PTPN4: variants seen among roughly 807,000 people sequenced by gnomAD.
PTPN4 encodes tyrosine-protein phosphatase non-receptor type 4.
In PTPN4, 49 loss-of-function variants were observed where a neutral mutation model predicts 135.5. The observed-to-expected ratio is 0.36, with a 90% CI of 0.29 to 0.46. PTPN4 has a LOEUF of 0.46. Among genes scored for constraint, PTPN4 ranks in the 20% least tolerant of loss-of-function variants. PTPN4 has a pLI of 1.00. For missense variants in PTPN4, 860 were observed against 1,101.0 expected (o/e 0.78, Z 3.10); for synonymous variants, 333 against 369.9 (o/e 0.90, Z 1.14).
At chr2:119,920,264 G>T in intron 12 of PTPN4, 23 bp downstream of exon 12, 1 of 1,560,662 alleles carries the variant, frequency 6.4e-7, no homozygotes, top group Non-Finnish European at 8.7e-7. Context: ...TCTGTGTTAA[G>T]GCTTTATTGT....
At chr2:119,793,966 C>T (rs1691204233) in intron 1 of PTPN4, among the ~76,000 whole-genome samples, 1 of 136,962 alleles carries the variant, frequency 7.3e-6, no homozygotes, top group Admixed American at 8.1e-5. Context: ...AGTGATCCTC[C>T]TATCTCAACT....
At chr2:119,821,015 A>G (rs1677058512) in intron 2 of PTPN4, among the ~76,000 whole-genome samples, 1 of 151,288 alleles carries the variant, frequency 6.6e-6, no homozygotes, top group Non-Finnish European at 1.5e-5. Flanking sequence ...TCAGTATAGT[A>G]GCTCTTCCTC....
Position 119,877,332 on chromosome 2 carries a change from G to A in PTPN4, c.256G>A (p.Asp86Asn). 1 of 1,611,412 alleles carries A rather than the reference G, an allele frequency of 6.2e-7. No individual in the cohort carries two copies. Among genetic ancestry groups the A allele is most frequent in the Non-Finnish European group, 8.5e-7 (1 of 1,179,270 alleles). ...TTTATTTATTTTTCAGAGGTGGCTG[G>A]ATCCAAACAAACCAATAAGGAAGCA... is the stretch of plus-strand genomic sequence containing the variant. ...DDSTDNPRWL[D>N]PNKPIRKQLK... Residue 86 changes from aspartate (D) to asparagine (N), a missense_variant, in exon 4 of 27, where the codon GAT (aspartate) becomes AAT (asparagine). This residue lies in a region of PTPN4 where 684 missense variants were observed against 807.0 expected (regional missense o/e 0.85). Transcript: ENST00000263708.
intron 26 of PTPN4, among the ~76,000 whole-genome samples, chr2:119,969,987 G>T (rs1465908490): frequency 6.6e-6 from 1 of 152,162 alleles, no homozygotes; most frequent in Non-Finnish European, 1.5e-5. Context: ...GCCGCTTAAA[G>T]TATACAATTC....
intron 9 of PTPN4, among the ~76,000 whole-genome samples, chr2:119,896,160 C>T (rs1367777053): frequency 6.6e-6 from 1 of 152,094 alleles, no homozygotes; most frequent in African/African-American, 2.4e-5. Context: ...AGAATGTTGC[C>T]AGTTACTCCA....
intron 13 of PTPN4, among the ~76,000 whole-genome samples, chr2:119,927,113 C>CTTTTT (rs35553909): frequency 2.4e-5 from 3 of 122,860 alleles, no homozygotes; most frequent in Non-Finnish European, 3.4e-5. Context: ...AGCCAATTTG[C>CTTTTT]TTTTTTTTTT....
intron 1 of PTPN4, among the ~76,000 whole-genome samples, chr2:119,774,381 G>T (rs1159318324): frequency 6.6e-6 from 1 of 152,116 alleles, no homozygotes; most frequent in Non-Finnish European, 1.5e-5. Flanking sequence ...TTTTGTTTTT[G>T]TTTTGTTTTT....
chr2:119,968,177 G>T (rs1206177014), intron 26 of PTPN4, among the ~76,000 whole-genome samples: 1 of 152,092 alleles, frequency 6.6e-6, no homozygotes, highest in African/African-American at 2.4e-5. Context: ...AATTTTAGTG[G>T]AACACAGCCA....
chr2:119,878,439 G>A (rs1347263437), intron 5 of PTPN4, among the ~76,000 whole-genome samples: 1 of 152,054 alleles, frequency 6.6e-6, no homozygotes, highest in African/African-American at 2.4e-5. Context: ...CTAAAAGATA[G>A]GTGTCAAAAT....
intron 10 of PTPN4, among the ~76,000 whole-genome samples, chr2:119,912,661 CTG>C (rs1413149367): frequency 2.0e-5 from 3 of 152,064 alleles, no homozygotes; most frequent in South Asian, 2.1e-4. Flanking sequence ...ATTATCGAAA[CTG>C]TAAATATGTT....
Position 119,946,371 on chromosome 2 carries a change from G to A in PTPN4, c.1546G>A (p.Val516Ile), listed in dbSNP as rs758076387. 6.2e-7 allele frequency: 1 copy of A among 1,610,492 alleles called. No individual in the cohort carries two copies. Among genetic ancestry groups the A allele is most frequent in the Admixed American group, 1.7e-5 (1 of 59,744 alleles). The change falls in exon 17 of 27, where the codon GTC becomes ATC. Residue 516 changes from valine (V) to isoleucine (I), a missense_variant. Val to Ile is a conservative substitution (Grantham distance 29). This residue lies in a region of PTPN4 where 684 missense variants were observed against 807.0 expected (regional missense o/e 0.85). Transcript: ENST00000263708. ...PNGGIPHDNL[V>I]LIRMKPDENG... is the part of the protein sequence containing the mutation. ...TGGTGGTATTCCACATGATAATCTT[G>A]TCCTAATCAGAATGAAACCTGATGA...
rs1679664585 is a variant in PTPN4 at position 119,979,686 on chromosome 2, GTCC to G, written c.*2617_*2619del. On this transcript the variant is annotated 3_prime_UTR_variant, in exon 27 of 27. Transcript: ENST00000263708. The stretch of plus-strand genomic sequence containing the variant: ...CATACACCATGTAGTTCTAGACTCC[GTCC>G]ATATCAGTGTAACATTGTGTGATAA... 2 of 152,026 alleles carry G rather than the reference GTCC, an allele frequency of 1.3e-5. No homozygotes were observed. Among genetic ancestry groups the G allele is most frequent in the Admixed American group, 6.6e-5 (1 of 15,256 alleles). 9.4% of individuals were successfully genotyped at this position (152,026 alleles called of 1,614,324 possible). A position where few individuals can be genotyped will look rare whatever the true frequency, so the allele number is the denominator to read the frequency against.
At chr2:119,760,501 G>T (rs188907106) in intron 1 of PTPN4, 117 bp downstream of exon 1, 3 of 387,052 alleles carry the variant, frequency 7.8e-6, no homozygotes, top group Non-Finnish European at 9.1e-6. Context: ...GAGGTACGAG[G>T]ATGATTTGAA....
intron 11 of PTPN4, among the ~76,000 whole-genome samples, chr2:119,918,506 G>A (rs190223568): frequency 2.4e-4 from 37 of 152,244 alleles, no homozygotes; most frequent in South Asian, 8.3e-4. Flanking sequence ...GGATATCCAC[G>A]TGGCCATTAA....
At chr2:119,935,224 A>G (rs1483877814) in intron 15 of PTPN4, 2 of 363,620 alleles carry the variant, frequency 5.5e-6, no homozygotes, top group African/African-American at 4.2e-5. Flanking sequence ...CAGATGATGT[A>G]GCACTCTGGT....
chr2:119,952,052 A>G lies in PTPN4; in HGVS notation c.1736A>G (p.His579Arg). ...GGTCGGGACATTGCAGAACACACTC[A>G]TGATCAGGTTGTGCTGTTTATTAAA... ...INGRDIAEHT[H>R]DQVVLFIKAS... The change falls in exon 19 of 27, where the codon CAT becomes CGT. Residue 579 changes from histidine to arginine, a missense_variant. Around this residue, in one of 2 missense-constraint regions of PTPN4, gnomAD observed 684 missense variants for 807.0 expected, o/e 0.85. Coordinates refer to ENST00000263708, the MANE Select transcript of PTPN4 (RefSeq NM_002830.4). 1 of 1,613,468 alleles carries G rather than the reference A, an allele frequency of 6.2e-7. No homozygotes were observed. Among genetic ancestry groups the G allele is most frequent in the Non-Finnish European group, 8.5e-7 (1 of 1,179,446 alleles).
intron 3 of PTPN4, 76 bp downstream of exon 3, chr2:119,862,719 A>C: frequency 3.3e-6 from 4 of 1,204,784 alleles, no homozygotes; most frequent in Non-Finnish European, 4.7e-6. Flanking sequence ...TTTCTGATTT[A>C]CAGTGTTCAC....
chr2:119,942,506 CT>C (rs1450530441), intron 15 of PTPN4, among the ~76,000 whole-genome samples: 1 of 152,106 alleles, frequency 6.6e-6, no homozygotes, highest in Admixed American at 6.5e-5. Flanking sequence ...TTCCCACAGG[CT>C]TTTAGTTTTA....
Position 119,977,010 on chromosome 2 carries a change from T to A in PTPN4, c.2721T>A (p.Ala907=). ...TPSQYRFVCE[A]ILKVYEEGFV... Reference sequence around the variant, plus strand: ...GTCAATACAGATTTGTATGTGAAGCTATTTTGAAAGTTTATGAAGAAGGCT... The same window carrying A: ...GTCAATACAGATTTGTATGTGAAGCAATTTTGAAAGTTTATGAAGAAGGCT... The change falls in exon 27 of 27, where the codon GCT becomes GCA. Residue 907 remains alanine (A), a synonymous_variant. Coordinates refer to ENST00000263708, the MANE Select transcript of PTPN4 (RefSeq NM_002830.4). The A allele has an allele frequency of 6.2e-7, 1 of 1,608,246 alleles. No homozygotes were observed. Among genetic ancestry groups the A allele is most frequent in the Non-Finnish European group, 8.5e-7 (1 of 1,178,550 alleles).
Sources: allele counts gnomAD v4.1 joint callset (sites outside exome capture counted in the v4.1 genomes callset), GRCh38; gene constraint gnomAD v4.1.1; regional missense constraint gnomAD v4.1.1; transcripts MANE v1.5; gene names NCBI Gene and HGNC (gene_info 2026-07-23, HGNC 2026-07-21).